GRID2: variants seen among roughly 807,000 people sequenced by gnomAD.
The protein encoded by GRID2 is glutamate receptor ionotropic, delta-2.
Under a neutral mutation model 114.8 loss-of-function variants are expected in GRID2, and 33 were observed. The observed-to-expected ratio is 0.29, with a 90% CI of 0.22 to 0.38. The LOEUF (loss-of-function observed/expected upper bound fraction) is 0.38, where lower values mean the gene tolerates loss of function less well. Ranked by LOEUF, GRID2 falls within the 10% of genes least tolerant of loss-of-function variation. The pLI is 1.00. For missense variants in GRID2, 1,184 were observed against 1,257.7 expected, an observed-to-expected ratio of 0.94 and a Z score of 0.89; for synonymous variants, 505 against 449.9, an observed-to-expected ratio of 1.12 and a Z score of -1.55.
intron 2 of GRID2, among the ~76,000 whole-genome samples, chr4:92,955,299 A>G (rs1268883851): frequency 6.6e-6 from 1 of 151,240 alleles, no homozygotes; most frequent in African/African-American, 2.4e-5. Context: ...CTTTTTAATG[A>G]TTGCCATTCT....
chr4:93,116,424 AAAGT>A (rs1733266514), intron 4 of GRID2, among the ~76,000 whole-genome samples: 1 of 152,212 alleles, frequency 6.6e-6, no homozygotes, highest in Admixed American at 6.5e-5. Flanking sequence ...ACTGTACAAC[AAAGT>A]ATTAAGATAT....
chr4:92,868,236 T>C (rs1745044662), intron 2 of GRID2, among the ~76,000 whole-genome samples: 3 of 152,098 alleles, frequency 2.0e-5, no homozygotes, highest in Non-Finnish European at 2.9e-5. Context: ...TGAATAGATA[T>C]ATTCTACAAC....
intron 13 of GRID2, among the ~76,000 whole-genome samples, chr4:93,566,378 G>A (rs527437258): frequency 6.6e-6 from 1 of 152,252 alleles, no homozygotes; most frequent in Admixed American, 6.5e-5. Context: ...GGAAGGGATT[G>A]ACTGCAAGGA....
intron 2 of GRID2, among the ~76,000 whole-genome samples, chr4:93,030,576 G>T (rs1009643700): frequency 6.6e-6 from 1 of 151,638 alleles, no homozygotes; most frequent in Admixed American, 6.6e-5. Context: ...GTAGAGACAG[G>T]ATTTTGCCAT....
chr4:93,482,976 C>A (rs908306465), intron 11 of GRID2, among the ~76,000 whole-genome samples: 1 of 151,964 alleles, frequency 6.6e-6, no homozygotes, highest in African/African-American at 2.4e-5. Context: ...AAAACACTTA[C>A]AGATCTGGTC....
chr4:92,829,481 T>C (rs1741952648), intron 2 of GRID2, among the ~76,000 whole-genome samples: 1 of 152,100 alleles, frequency 6.6e-6, no homozygotes, highest in South Asian at 2.1e-4. Flanking sequence ...ACCTTTACAC[T>C]GTTGGTGGGA....
chr4:92,805,390 T>C (rs1487083179), intron 2 of GRID2, among the ~76,000 whole-genome samples: 2 of 152,034 alleles, frequency 1.3e-5, no homozygotes, highest in Non-Finnish European at 2.9e-5. Flanking sequence ...AAAAGAGAAT[T>C]GTGGTCAAAT....
Position 92,475,632 on chromosome 4 carries a change from C to G in GRID2, c.89-114499C>G, listed in dbSNP as rs145948113. Among the ~76,000 whole-genome samples the G allele has an allele frequency of 7.0e-4, 106 of 151,948 alleles. 1 individual carries two copies. Among genetic ancestry groups the G allele is most frequent in the African/African-American group, 2.3e-3 (95 of 41,462 alleles). On this transcript the variant is annotated intron_variant, in intron 1 of 15. Coordinates refer to ENST00000282020, the MANE Select transcript of GRID2 (RefSeq NM_001510.4). ...GATGCCTCCAAATTTGTTATTTTGT[C>G]TAAGATTGCTTTGGCTACTTGGGGT...
chr4:92,961,026 G>A (rs1208310592), intron 2 of GRID2, among the ~76,000 whole-genome samples: 2 of 151,650 alleles, frequency 1.3e-5, no homozygotes, highest in East Asian at 1.9e-4. Flanking sequence ...AGGTAGTGCA[G>A]GTACCTTACA....
At chr4:93,660,990 C>T (rs905832671) in intron 14 of GRID2, among the ~76,000 whole-genome samples, 1 of 152,120 alleles carries the variant, frequency 6.6e-6, no homozygotes, top group African/African-American at 2.4e-5. Context: ...AAACTGACCT[C>T]GCACCTGAAG....
chr4:93,173,334 G>T (rs1168300251), intron 4 of GRID2, among the ~76,000 whole-genome samples: 2 of 151,932 alleles, frequency 1.3e-5, no homozygotes, highest in African/African-American at 4.8e-5. Context: ...GCATATTAGT[G>T]CTATAATAGA....
At chr4:93,200,394 G>A (rs1741949527) in intron 4 of GRID2, among the ~76,000 whole-genome samples, 1 of 151,888 alleles carries the variant, frequency 6.6e-6, no homozygotes, top group South Asian at 2.1e-4. Context: ...GTGAAACCCC[G>A]TCTCTACTAA....
intron 1 of GRID2, among the ~76,000 whole-genome samples, chr4:92,354,056 G>A (rs1177435872): frequency 6.6e-6 from 1 of 152,016 alleles, no homozygotes; most frequent in Non-Finnish European, 1.5e-5. Flanking sequence ...AATGCCATGT[G>A]CTGGCTCTTC....
intron 2 of GRID2, among the ~76,000 whole-genome samples, chr4:92,697,596 G>T (rs182407050): frequency 6.6e-6 from 1 of 152,246 alleles, no homozygotes; most frequent in Admixed American, 6.5e-5. Context: ...AGCCTATGTT[G>T]TGGTAGTGCC....
chr4:93,607,105 C>T lies in GRID2; in HGVS notation c.2194-19164C>T, dbSNP rs574511825. Among the ~76,000 whole-genome samples, 22 of 152,054 alleles carry T rather than the reference C, an allele frequency of 1.4e-4. No homozygotes were observed. In the South Asian group the frequency reaches 4.4e-3, roughly 30 times the overall value. ...CTTTTAGAGCATTATTTTTACTGTTCTGCTTGGCTTTTCCCCATTCTTCTC... is the reference window on the plus strand; with the variant it reads ...CTTTTAGAGCATTATTTTTACTGTTTTGCTTGGCTTTTCCCCATTCTTCTC... On this transcript the variant is annotated intron_variant, in intron 13 of 15. Coordinates refer to ENST00000282020, the MANE Select transcript of GRID2 (RefSeq NM_001510.4).
At chr4:93,153,593 C>T (rs1284142746) in intron 4 of GRID2, among the ~76,000 whole-genome samples, 1 of 152,032 alleles carries the variant, frequency 6.6e-6, no homozygotes, top group African/African-American at 2.4e-5. Context: ...GTCATATGCT[C>T]ATTCCAGGCC....
chr4:92,538,744 T>G (rs1280755484), intron 1 of GRID2, among the ~76,000 whole-genome samples: 1 of 152,098 alleles, frequency 6.6e-6, no homozygotes, highest in African/African-American at 2.4e-5. Flanking sequence ...AATAATGTAT[T>G]AAATGGATAC....
At chr4:92,854,500 C>T (rs916340856) in intron 2 of GRID2, among the ~76,000 whole-genome samples, 7 of 151,528 alleles carry the variant, frequency 4.6e-5, no homozygotes, top group South Asian at 4.2e-4. Flanking sequence ...ATACATGTTT[C>T]GAACACTGCA....
chr4:92,855,748 A>T (rs1272087237), intron 2 of GRID2, among the ~76,000 whole-genome samples: 2 of 152,040 alleles, frequency 1.3e-5, no homozygotes, highest in Non-Finnish European at 2.9e-5. Context: ...TGATTACTTC[A>T]TAAGTATAAT....
Sources: gnomAD v4.1 joint callset for allele counts (sites outside exome capture counted in the v4.1 genomes callset) on GRCh38, gnomAD v4.1.1 for gene constraint, MANE v1.5 for transcripts, NCBI Gene and HGNC (gene_info 2026-07-23, HGNC 2026-07-21) for gene names.